CLCN4: variants seen among roughly 807,000 people sequenced by gnomAD.
CLCN4 encodes H(+)/Cl(-) exchange transporter 4.
In CLCN4, 1 loss-of-function variant was observed where a neutral mutation model predicts 41.7. That is an observed-to-expected ratio of 0.02 (90% CI 0.01 to 0.11). The LOEUF (loss-of-function observed/expected upper bound fraction) is 0.11, where lower values mean the gene tolerates loss of function less well. Ranked by LOEUF, CLCN4 falls within the 10% of genes least tolerant of loss-of-function variation. The pLI is 1.00. For missense variants in CLCN4, 287 were observed against 661.0 expected, an observed-to-expected ratio of 0.43 and a Z score of 6.20; for synonymous variants, 277 against 285.8, an observed-to-expected ratio of 0.97 and a Z score of 0.31.
intron 6 of CLCN4, among the ~76,000 whole-genome samples, chrX:10,200,002 C>T (rs1485260814): frequency 1.8e-5 from 2 of 111,886 alleles, no homozygotes; most frequent in East Asian, 2.8e-4. Context: ...CCATCCGCCT[C>T]GGCCTCCTAA....
intron 2 of CLCN4, among the ~76,000 whole-genome samples, chrX:10,184,401 C>T (rs761907559): frequency 9.1e-6 from 1 of 110,324 alleles, no homozygotes; most frequent in East Asian, 2.9e-4. Context: ...AAAGTGCCAG[C>T]AGTGCCCGTT....
intron 2 of CLCN4, among the ~76,000 whole-genome samples, chrX:10,184,400 G>C (rs1444693203): frequency 9.0e-6 from 1 of 110,618 alleles, no homozygotes; most frequent in African/African-American, 3.3e-5. Flanking sequence ...AAAAGTGCCA[G>C]CAGTGCCCGT....
chrX:10,184,024 A>G (rs1569225965), intron 2 of CLCN4, among the ~76,000 whole-genome samples: 1 of 111,881 alleles, frequency 8.9e-6, no homozygotes, highest in African/African-American at 3.3e-5. Context: ...CTGGGCTCCC[A>G]CCAACTCATT....
intron 2 of CLCN4, among the ~76,000 whole-genome samples, chrX:10,167,635 G>A (rs1011673101): frequency 1.3e-4 from 15 of 112,481 alleles, no homozygotes; most frequent in African/African-American, 4.5e-4. Flanking sequence ...CTGCCATGTC[G>A]TGGGGACATT....
intron 11 of CLCN4, among the ~76,000 whole-genome samples, chrX:10,217,070 T>G (rs184493116): frequency 4.1e-4 from 43 of 105,254 alleles, no homozygotes; most frequent in African/African-American, 1.5e-3. Context: ...CATTTTAACC[T>G]ATCTCATTAA....
At chrX:10,163,768 C>T (rs919986835) in intron 2 of CLCN4, among the ~76,000 whole-genome samples, 5 of 112,216 alleles carry the variant, frequency 4.5e-5, no homozygotes, top group Non-Finnish European at 7.5e-5. Context: ...CAGGGTTTCT[C>T]AACCTTGACA....
At chrX:10,223,776 G>A (rs1036613628) in intron 12 of CLCN4, among the ~76,000 whole-genome samples, 4 of 111,886 alleles carry the variant, frequency 3.6e-5, no homozygotes, top group African/African-American at 1.3e-4. Flanking sequence ...GTTCTAGAAA[G>A]GAAAAGTGAG....
At chrX:10,177,118 A>C (rs1423033205) in intron 2 of CLCN4, among the ~76,000 whole-genome samples, 1 of 112,783 alleles carries the variant, frequency 8.9e-6, no homozygotes, top group East Asian at 2.8e-4. Context: ...TATGGTTGAG[A>C]AAAAACCAAA....
chrX:10,213,240 T>C (rs1924614047), intron 10 of CLCN4, among the ~76,000 whole-genome samples: 1 of 112,109 alleles, frequency 8.9e-6, no homozygotes, highest in African/African-American at 3.2e-5. Flanking sequence ...AAAATCTTGG[T>C]TTAGCAGAAG....
intron 12 of CLCN4, among the ~76,000 whole-genome samples, chrX:10,225,537 T>G (rs993229550): frequency 8.9e-6 from 1 of 112,259 alleles, no homozygotes; most frequent in Admixed American, 9.4e-5. Flanking sequence ...TCCCATTCTG[T>G]AGGTTGTCCG....
Position 10,212,531 on chromosome X carries a change from T to A in CLCN4, c.1454T>A (p.Ile485Asn). The A allele has an allele frequency of 1.7e-6, 2 of 1,211,799 alleles. No individual in the cohort carries two copies. Among genetic ancestry groups the A allele is most frequent in the Non-Finnish European group, 2.2e-6 (2 of 895,469 alleles). Residue 485 changes from isoleucine to asparagine, a missense_variant, in exon 10 of 13, where the codon ATT becomes AAT. Around this residue, in one of 6 missense-constraint regions of CLCN4, gnomAD observed 94 missense variants for 177.9 expected, o/e 0.53. Coordinates refer to ENST00000380833, the MANE Select transcript of CLCN4 (RefSeq NM_001830.4). ...VGAIAGRMVG[I>N]GVEQLAYHHH... is the part of the protein sequence containing the mutation. ...GCGATAGCGGGCAGGATGGTGGGAA[T>A]TGGCGTGGAGCAGCTGGCCTACCAT...
At chrX:10,202,754 CAGT>C (rs1924274216) in intron 6 of CLCN4, among the ~76,000 whole-genome samples, 1 of 108,083 alleles carries the variant, frequency 9.3e-6, no homozygotes, top group African/African-American at 3.4e-5. Context: ...TTCCTTTTGT[CAGT>C]AGAACCACTG....
chrX:10,162,364 C>A (rs994695766), intron 2 of CLCN4, among the ~76,000 whole-genome samples: 2 of 111,522 alleles, frequency 1.8e-5, no homozygotes, highest in African/African-American at 6.5e-5. Flanking sequence ...ACACCTTGAG[C>A]TGAGGCACCA....
Position 10,236,795 on chromosome X carries a change from C to T in CLCN4, c.*3211C>T, listed in dbSNP as rs1163434860. On this transcript the variant is annotated 3_prime_UTR_variant, in exon 13 of 13. Coordinates refer to ENST00000380833, the MANE Select transcript of CLCN4 (RefSeq NM_001830.4). ...AGAACTTTCTGGATTCCTTCTGAAT[C>T]GGGTTTTAACATAAAAAACCATCAA... is the stretch of plus-strand genomic sequence containing the variant. 3 of 109,812 alleles carry T rather than the reference C, an allele frequency of 2.7e-5. No homozygotes were observed. Among genetic ancestry groups the T allele is most frequent in the East Asian group, 5.7e-4 (2 of 3,511 alleles). 9.0% of individuals were successfully genotyped at this position (109,812 alleles called of 1,213,427 possible). A position where few individuals can be genotyped will look rare whatever the true frequency, so the allele number is the denominator to read the frequency against.
intron 11 of CLCN4, among the ~76,000 whole-genome samples, chrX:10,215,093 G>A (rs945124135): frequency 8.9e-6 from 1 of 112,013 alleles, no homozygotes; most frequent in East Asian, 2.8e-4. Context: ...GGCCCATGGC[G>A]TGGCTCCCAT....
At chrX:10,163,994 A>T (rs183262491) in intron 2 of CLCN4, among the ~76,000 whole-genome samples, 25 of 112,869 alleles carry the variant, frequency 2.2e-4, no homozygotes, top group Admixed American at 7.5e-4. Context: ...AGGCAGTGGG[A>T]TACATGTTAG....
Position 10,233,821 on chromosome X carries a change from G to T in CLCN4, c.*237G>T. The T allele has an allele frequency of 1.4e-5, 5 of 363,494 alleles. No homozygotes were observed. The highest frequency in any genetic ancestry group is 2.4e-5 in the Non-Finnish European group (5 of 205,207). 30.0% of individuals were successfully genotyped at this position (363,494 alleles called of 1,213,427 possible). On this transcript the variant is annotated 3_prime_UTR_variant, in exon 13 of 13. Coordinates refer to ENST00000380833, the MANE Select transcript of CLCN4 (RefSeq NM_001830.4). Reference sequence around the variant, plus strand: ...TCAAGCTGTGTTTCCTAATGAGTTTGCTACTGCTGTGGGGGCATGTGGGTG... The same window carrying T: ...TCAAGCTGTGTTTCCTAATGAGTTTTCTACTGCTGTGGGGGCATGTGGGTG...
chrX:10,212,769 G>C, intron 10 of CLCN4, 116 bp downstream of exon 10: 1 of 700,356 alleles, frequency 1.4e-6, no homozygotes, highest in Non-Finnish European at 2.1e-6. Flanking sequence ...GCTGGGTTGT[G>C]TGGCTATAAC....
intron 2 of CLCN4, among the ~76,000 whole-genome samples, chrX:10,160,259 G>A (rs1206338864): frequency 8.9e-6 from 1 of 111,919 alleles, no homozygotes; most frequent in Non-Finnish European, 1.9e-5. Context: ...TTGATGCCAA[G>A]CCCTTGATCA....
Sources: allele counts gnomAD v4.1 joint callset (sites outside exome capture counted in the v4.1 genomes callset), GRCh38; gene constraint gnomAD v4.1.1; regional missense constraint gnomAD v4.1.1; transcripts MANE v1.5; gene names NCBI Gene and HGNC (gene_info 2026-07-23, HGNC 2026-07-21).